Variants in BEND6 observed in about 807,000 individuals in gnomAD.
BEND6 encodes BEN domain-containing protein 6.
A neutral mutation model predicts 31.8 loss-of-function variants in BEND6; 24 were observed. The observed-to-expected ratio is 0.75, with a 90% CI of 0.55 to 1.06. BEND6 has a LOEUF of 1.06. Ranked by LOEUF, BEND6 falls within the 50% of genes least tolerant of loss-of-function variation. The pLI, the probability that BEND6 is intolerant of heterozygous loss-of-function variation, is 0.00. For missense variants in BEND6, 294 were observed against 327.4 expected (o/e 0.90, Z 0.79); for synonymous variants, 109 against 114.6 (o/e 0.95, Z 0.31).
intron 6 of BEND6, among the ~76,000 whole-genome samples, chr6:57,018,827 A>G (rs1435761478): frequency 1.3e-5 from 2 of 152,168 alleles, no homozygotes; most frequent in Non-Finnish European, 2.9e-5. Flanking sequence ...TAAGAAAGGG[A>G]TATAGTATGT....
At chr6:56,986,925 C>T (rs1826298298) in intron 2 of BEND6, among the ~76,000 whole-genome samples, 2 of 151,876 alleles carry the variant, frequency 1.3e-5, no homozygotes, top group South Asian at 4.2e-4. Context: ...AATGTTCTGG[C>T]ACCTTGTGGC....
chr6:56,984,862 G>A (rs1011961290), intron 2 of BEND6, among the ~76,000 whole-genome samples: 6 of 152,194 alleles, frequency 3.9e-5, no homozygotes, highest in African/African-American at 1.4e-4. Flanking sequence ...TTAAAGAAAA[G>A]CTCTCGAGAA....
intron 3 of BEND6, chr6:57,004,512 G>C (rs911689729): frequency 1.4e-6 from 1 of 709,322 alleles, no homozygotes; most frequent in Non-Finnish European, 2.6e-6. Flanking sequence ...CTCCAGCTCC[G>C]TGTAGCCACC....
chr6:56,966,619 G>A (rs1013064076), intron 1 of BEND6, among the ~76,000 whole-genome samples: 1 of 152,192 alleles, frequency 6.6e-6, no homozygotes, highest in African/African-American at 2.4e-5. Flanking sequence ...GTGACACTGT[G>A]GAGCAGGTGA....
At chr6:57,018,667 C>T (rs2127893433) in intron 6 of BEND6, 110 bp downstream of exon 6, 1 of 1,112,782 alleles carries the variant, frequency 9.0e-7, no homozygotes, top group Non-Finnish European at 1.2e-6. Flanking sequence ...TACTAGTGAC[C>T]CATGAAAAGC....
chr6:56,991,835 A>T (rs1331680583), intron 2 of BEND6, among the ~76,000 whole-genome samples: 1 of 151,602 alleles, frequency 6.6e-6, no homozygotes, highest in Non-Finnish European at 1.5e-5. Flanking sequence ...ACTACCCCAC[A>T]CTCCCCTCCA....
At chr6:56,996,500 A>G (rs1033446630) in intron 3 of BEND6, among the ~76,000 whole-genome samples, 1 of 152,088 alleles carries the variant, frequency 6.6e-6, no homozygotes, top group Non-Finnish European at 1.5e-5. Flanking sequence ...TCAATGAGCT[A>G]TGATTGTCAG....
intron 3 of BEND6, among the ~76,000 whole-genome samples, chr6:57,013,167 G>C (rs1827404048): frequency 6.6e-6 from 1 of 152,176 alleles, no homozygotes; most frequent in African/African-American, 2.4e-5. Flanking sequence ...CCACTGCCAA[G>C]AGTGCCTAAT....
Position 57,018,457 on chromosome 6 carries a change from T to C in BEND6, c.749T>C (p.Val250Ala). 1 of 1,585,736 alleles carries C rather than the reference T, an allele frequency of 6.3e-7. No homozygotes were observed. The highest frequency in any genetic ancestry group is 1.4e-5 in the African/African-American group (1 of 72,958). Residue 250 changes from valine to alanine, a missense_variant, in exon 6 of 7, where the codon GTT becomes GCT. Transcript: ENST00000370746. The stretch of plus-strand genomic sequence containing the variant: ...CAATTATTTCCCAATACGGATGATG[T>C]TTCAATTAGGAGAATGATAGGGCAA... ...TKQLFPNTDD[V>A]SIRRMIGQKL...
chr6:56,971,054 C>T (rs1273257390), intron 1 of BEND6, among the ~76,000 whole-genome samples: 1 of 152,070 alleles, frequency 6.6e-6, no homozygotes. Flanking sequence ...ATTGTGCAAC[C>T]ATCACTACCA....
chr6:57,013,471 GGCATGA>G (rs953801692), intron 3 of BEND6, among the ~76,000 whole-genome samples: 24 of 152,274 alleles, frequency 1.6e-4, no homozygotes, highest in Admixed American at 3.9e-4. Flanking sequence ...TCATAATGTA[GGCATGA>G]TTGATCGGTT....
intron 2 of BEND6, 79 bp downstream of exon 2, chr6:56,982,009 T>G: frequency 7.3e-7 from 1 of 1,368,436 alleles, no homozygotes; most frequent in South Asian, 1.4e-5. Context: ...AATTTATTAG[T>G]GCTTCTCCCT....
chr6:56,988,660 C>T (rs1291205172), intron 2 of BEND6, among the ~76,000 whole-genome samples: 2 of 152,180 alleles, frequency 1.3e-5, no homozygotes, highest in African/African-American at 4.8e-5. Context: ...CTATAGACTC[C>T]TCACCTACCC....
intron 3 of BEND6, among the ~76,000 whole-genome samples, chr6:57,000,447 G>A (rs1236301409): frequency 1.3e-5 from 2 of 151,974 alleles, no homozygotes; most frequent in Non-Finnish European, 2.9e-5. Context: ...CACAAACACT[G>A]CGGAAGGCCT....
chr6:56,975,604 C>G, intron 1 of BEND6: 1 of 348,322 alleles, frequency 2.9e-6, no homozygotes, highest in South Asian at 3.1e-5. Context: ...CGAAAGCACT[C>G]TAGCCCATCA....
At chr6:57,004,567 C>G in intron 3 of BEND6, 1 of 904,198 alleles carries the variant, frequency 1.1e-6, no homozygotes, top group Non-Finnish European at 1.8e-6. Context: ...TGCGCCAGAA[C>G]TACCACCAGG....
intron 3 of BEND6, among the ~76,000 whole-genome samples, chr6:57,005,137 AT>A (rs955279151): frequency 6.6e-5 from 10 of 151,854 alleles, no homozygotes; most frequent in Admixed American, 2.6e-4. Flanking sequence ...TATAAGCCTT[AT>A]TTTTTTTCAT....
chr6:57,027,092 C>T lies in BEND6; in HGVS notation c.*1020C>T, dbSNP rs1827926958. Reference sequence around the variant, plus strand: ...ACATTCTTCATCAAAAGGCTTCTCGCTTGGTGTCAGGTTGTCACATGTGAC... The same window carrying T: ...ACATTCTTCATCAAAAGGCTTCTCGTTTGGTGTCAGGTTGTCACATGTGAC... On this transcript the variant is annotated 3_prime_UTR_variant, in exon 7 of 7. Coordinates refer to ENST00000370746, the MANE Select transcript of BEND6 (RefSeq NM_152731.3). 1 of 152,202 alleles carries T rather than the reference C, an allele frequency of 6.6e-6. No individual in the cohort carries two copies. The highest frequency in any genetic ancestry group is 2.4e-5 in the African/African-American group (1 of 41,456). 9.4% of individuals were successfully genotyped at this position (152,202 alleles called of 1,614,324 possible).
In BEND6 at chr6:57,026,617, A is replaced by G. The variant is rs996107914; in HGVS notation, c.*545A>G. ...AAAATCTGATAATCATGTCTAACCA[A>G]GTAATAATGTTTTAGCAATAAAATT... On this transcript the variant is annotated 3_prime_UTR_variant, in exon 7 of 7. Coordinates refer to ENST00000370746, the MANE Select transcript of BEND6 (RefSeq NM_152731.3). 2.0e-5 allele frequency: 3 copies of G among 152,252 alleles called. No homozygotes were observed. The highest frequency in any genetic ancestry group is 2.9e-5 in the Non-Finnish European group (2 of 68,046). The allele number at this position is 152,252 out of a possible 1,614,324, so 9.4% of individuals were successfully genotyped here.
Sources: allele counts gnomAD v4.1 joint callset (sites outside exome capture counted in the v4.1 genomes callset), GRCh38; gene constraint gnomAD v4.1.1; transcripts MANE v1.5; gene names NCBI Gene and HGNC (gene_info 2026-07-23, HGNC 2026-07-21).